SLAMF7: variants seen among roughly 807,000 people sequenced by gnomAD.
The protein encoded by SLAMF7 is SLAM family member 7.
SLAMF7 carries 26 observed loss-of-function variants against 34.1 expected under a neutral mutation model. The observed-to-expected ratio is 0.76, with a 90% CI of 0.56 to 1.06. The LOEUF (loss-of-function observed/expected upper bound fraction) is 1.06, where lower values mean the gene tolerates loss of function less well. SLAMF7 is among the 50% of genes least tolerant of loss of function. The pLI is 0.00. For missense variants in SLAMF7, 399 were observed against 402.5 expected (o/e 0.99, Z 0.07); for synonymous variants, 171 against 156.4 (o/e 1.09, Z -0.70).
chr1:160,752,096 C>G (rs1264731130), intron 5 of SLAMF7, 90 bp from the exon 6 acceptor site: 9 of 1,061,746 alleles, frequency 8.5e-6, no homozygotes, highest in Admixed American at 1.9e-5. Flanking sequence ...CTGCTTTCCC[C>G]TCTCTGGATT....
chr1:160,743,772 T>C lies in SLAMF7; in HGVS notation c.55+4416T>C, dbSNP rs530456245. Among the ~76,000 whole-genome samples, 10 of 152,334 alleles carry C rather than the reference T, an allele frequency of 6.6e-5. No individual in the cohort carries two copies. In the East Asian group the frequency reaches 1.9e-3, roughly 29 times the overall value. Reference sequence around the variant, plus strand: ...GGCACGATCACGGCTCACTGCAGCCTCCACCTTCTGGGTTCAAGGAATCCT... The same window carrying C: ...GGCACGATCACGGCTCACTGCAGCCCCCACCTTCTGGGTTCAAGGAATCCT... On this transcript the variant is annotated intron_variant, in intron 1 of 6. Coordinates refer to ENST00000368043, the MANE Select transcript of SLAMF7 (RefSeq NM_021181.5).
Position 160,753,559 on chromosome 1 carries a change from C to T in SLAMF7, c.*382C>T, listed in dbSNP as rs138535388. ...TCTGGAGTTTCATTCCATCCCAGGG[C>T]TTGGATGTCAGGATTATACCAAGAG... On this transcript the variant is annotated 3_prime_UTR_variant, in exon 7 of 7. Coordinates refer to ENST00000368043, the MANE Select transcript of SLAMF7 (RefSeq NM_021181.5). 64 of 197,836 alleles carry T rather than the reference C, an allele frequency of 3.2e-4. No homozygotes were observed. Among genetic ancestry groups the T allele is most frequent in the Middle Eastern group, 2.1e-3 (1 of 474 alleles). The allele number at this position is 197,836 out of a possible 1,614,324, so 12.3% of individuals were successfully genotyped here. A position where few individuals can be genotyped will look rare whatever the true frequency, so the allele number is the denominator to read the frequency against.
Position 160,741,560 on chromosome 1 carries a change from T to G in SLAMF7, c.55+2204T>G, listed in dbSNP as rs374483985. ...ATTTCAAACCACTTTGGGTTTTTTT[T>G]GCCTTTTTTTTTAAATCCATGGTTT... On this transcript the variant is annotated intron_variant, in intron 1 of 6. Transcript: ENST00000368043. Among the ~76,000 whole-genome samples, 25 of 152,306 alleles carry G rather than the reference T, an allele frequency of 1.6e-4. No homozygotes were observed. The South Asian group carries it at 4.1e-3, about 25-fold the overall frequency.
rs573235537 is a variant in SLAMF7, at chr1:160,748,584, G to C, written c.376+70G>C. ...TGGTGAGCTCCTTGACATGAGAGAT[G>C]TTTAAGCAGAGGCTGAATAAACACT... On this transcript the variant is annotated intron_variant, in intron 2 of 6. Coordinates refer to ENST00000368043, the MANE Select transcript of SLAMF7 (RefSeq NM_021181.5). 1.7e-5 allele frequency: 24 copies of C among 1,405,054 alleles called. No homozygotes were observed. The South Asian group carries it at 3.0e-4, about 18-fold the overall frequency. 87.0% of individuals were successfully genotyped at this position (1,405,054 alleles called of 1,614,324 possible). A position where few individuals can be genotyped will look rare whatever the true frequency, so the allele number is the denominator to read the frequency against.
chr1:160,750,124 T>C, intron 3 of SLAMF7, 31 bp downstream of exon 3: 2 of 1,605,144 alleles, frequency 1.2e-6, no homozygotes, highest in Non-Finnish European at 1.7e-6. Context: ...CACAGGAGAC[T>C]CTGCCCAGGT....
chr1:160,748,082 T>G (rs527733), intron 1 of SLAMF7, 112 bp from the exon 2 acceptor site: 1,029,712 of 1,029,802 alleles, frequency 1, 514,811 homozygotes, highest in Middle Eastern at 1. Context: ...TCCAGGAGGT[T>G]GTTGTGTTGG....
chr1:160,750,306 G>T lies in SLAMF7; in HGVS notation c.652G>T (p.Ala218Ser). ...PILARKLCEG[A>S]ADDPDSSMVL... ...GTGCCTCCACCCATTCTCTGAAGGT[G>T]CTGCTGATGACCCAGATTCCTCCAT... is the stretch of plus-strand genomic sequence containing the variant. Residue 218 changes from alanine (A) to serine (S), a missense_variant and splice_region_variant, in exon 4 of 7, where the codon GCT (alanine) becomes TCT (serine). Coordinates refer to ENST00000368043, the MANE Select transcript of SLAMF7 (RefSeq NM_021181.5). 6.2e-7 allele frequency: 1 copy of T among 1,613,922 alleles called. No homozygotes were observed. The highest frequency in any genetic ancestry group is 1.1e-5 in the South Asian group (1 of 91,060).
Position 160,753,319 on chromosome 1 carries a change from T to A in SLAMF7, c.*142T>A. The A allele has an allele frequency of 1.5e-6, 1 of 677,496 alleles. No homozygotes were observed. Among genetic ancestry groups the A allele is most frequent in the East Asian group, 2.7e-5 (1 of 36,766 alleles). 42.0% of individuals were successfully genotyped at this position (677,496 alleles called of 1,614,324 possible). ...TGACTTTTTTCCAGGATAAATTATC[T>A]CTGATGCTTCTTTAGATTTAAGAGT... On this transcript the variant is annotated 3_prime_UTR_variant, in exon 7 of 7. Coordinates refer to ENST00000368043, the MANE Select transcript of SLAMF7 (RefSeq NM_021181.5).
In SLAMF7 at chr1:160,751,325, C is replaced by G; in HGVS notation, c.770-20C>G. On this transcript the variant is annotated intron_variant, in intron 4 of 6. Coordinates refer to ENST00000368043, the MANE Select transcript of SLAMF7 (RefSeq NM_021181.5). ...AGTGGTTGGAGAGGTGGCTTTGATT[C>G]TCTCCCAACTTGCTTTTAGAGTACA... 6.3e-7 allele frequency: 1 copy of G among 1,584,014 alleles called. No individual in the cohort carries two copies. The highest frequency in any genetic ancestry group is 8.7e-7 in the Non-Finnish European group (1 of 1,152,688).
rs141758703 is a variant in SLAMF7, at chr1:160,754,401, G to A, written c.*1224G>A. 7.5e-3 allele frequency: 1,145 copies of A among 152,868 alleles called. 19 individuals carry two copies. The highest frequency in any genetic ancestry group is 0.053 in the South Asian group (255 of 4,828). The allele number at this position is 152,868 out of a possible 1,614,324, so 9.5% of individuals were successfully genotyped here. A position where few individuals can be genotyped will look rare whatever the true frequency, so the allele number is the denominator to read the frequency against. On this transcript the variant is annotated 3_prime_UTR_variant, in exon 7 of 7. Transcript: ENST00000368043. Reference sequence around the variant, plus strand: ...TGGGAGGTGGAGGTTGCAGTGAGCTGAGATGGCACCACTGCACTCCGGCCT... The same window carrying A: ...TGGGAGGTGGAGGTTGCAGTGAGCTAAGATGGCACCACTGCACTCCGGCCT...
chr1:160,743,334 A>G (rs565658744), intron 1 of SLAMF7, among the ~76,000 whole-genome samples: 4 of 152,178 alleles, frequency 2.6e-5, no homozygotes, highest in African/African-American at 4.8e-5. Context: ...CAAGAGTGTG[A>G]GGTAGAAAGT....
intron 4 of SLAMF7, 22 bp from the exon 5 acceptor site, chr1:160,751,323 T>A (rs1035005474): frequency 9.5e-6 from 15 of 1,573,336 alleles, no homozygotes; most frequent in Admixed American, 1.7e-5. Context: ...GTGGCTTTGA[T>A]TCTCTCCCAA....
chr1:160,747,462 T>C (rs762894185), intron 1 of SLAMF7, among the ~76,000 whole-genome samples: 12 of 152,138 alleles, frequency 7.9e-5, no homozygotes, highest in Admixed American at 3.9e-4. Context: ...GCAGATCACT[T>C]GAGGTCAGGA....
At chr1:160,742,002 A>T (rs3856333) in intron 1 of SLAMF7, among the ~76,000 whole-genome samples, 1,737 of 152,142 alleles carry the variant, frequency 0.011, 26 homozygotes, top group African/African-American at 0.04. Flanking sequence ...GTGTTCAGAG[A>T]AGTGCTTGGG....
At chr1:160,751,509 T>G in intron 5 of SLAMF7, 61 bp downstream of exon 5, 1 of 1,383,806 alleles carries the variant, frequency 7.2e-7, no homozygotes, top group Non-Finnish European at 1.0e-6. Context: ...CCTTGTGAGG[T>G]TTTTCCATGG....
At chr1:160,749,457 T>C (rs1250173496) in intron 2 of SLAMF7, among the ~76,000 whole-genome samples, 1 of 151,906 alleles carries the variant, frequency 6.6e-6, no homozygotes, top group African/African-American at 2.4e-5. Flanking sequence ...TCATAGAGAG[T>C]AAAGGGAAGC....
chr1:160,751,360 A>C lies in SLAMF7; in HGVS notation c.785A>C (p.Lys262Thr), dbSNP rs1346362544. The C allele has an allele frequency of 1.9e-6, 3 of 1,613,678 alleles. No homozygotes were observed. Among genetic ancestry groups the C allele is most frequent in the African/African-American group, 2.7e-5 (2 of 74,898 alleles). Reference protein sequence around the residue: ...RERQEEYIEEKKRVDICRETP... With the variant: ...RERQEEYIEETKRVDICRETP... Reference sequence around the variant, plus strand: ...TTGCTTTTAGAGTACATTGAAGAGAAGAAGAGAGTGGACATTTGTCGGGAA... The same window carrying C: ...TTGCTTTTAGAGTACATTGAAGAGACGAAGAGAGTGGACATTTGTCGGGAA... The change falls in exon 5 of 7, where the codon AAG becomes ACG. Residue 262 changes from lysine (K) to threonine (T), a missense_variant. By Grantham distance (78) the Lys-to-Thr change is moderately conservative. Coordinates refer to ENST00000368043, the MANE Select transcript of SLAMF7 (RefSeq NM_021181.5).
Position 160,748,175 on chromosome 1 carries a change from T to C in SLAMF7, c.56-19T>C. 2 of 1,608,914 alleles carry C rather than the reference T, an allele frequency of 1.2e-6. No homozygotes were observed. Among genetic ancestry groups the C allele is most frequent in the South Asian group, 2.2e-5 (2 of 90,688 alleles). On this transcript the variant is annotated intron_variant, in intron 1 of 6. Coordinates refer to ENST00000368043, the MANE Select transcript of SLAMF7 (RefSeq NM_021181.5). ...AGGACAGGGAATCAGGCTTATTTTA[T>C]GGTTCTCTGTGTTTATAGGGTCAGC... is the stretch of plus-strand genomic sequence containing the variant.
intron 1 of SLAMF7, among the ~76,000 whole-genome samples, chr1:160,747,408 G>A (rs1264676849): frequency 2.6e-5 from 4 of 152,162 alleles, no homozygotes; most frequent in African/African-American, 7.2e-5. Flanking sequence ...GGCTGGGTGT[G>A]GTGGCTCATG....
Sources: allele counts gnomAD v4.1 joint callset (sites outside exome capture counted in the v4.1 genomes callset), GRCh38; gene constraint gnomAD v4.1.1; transcripts MANE v1.5; gene names NCBI Gene and HGNC (gene_info 2026-07-23, HGNC 2026-07-21).